The following MEI4 variants were observed in gnomAD, a reference collection of about 807,000 sequenced individuals.
MEI4 encodes the protein meiosis-specific protein MEI4.
MEI4 carries 27 observed loss-of-function variants against 31.4 expected under a neutral mutation model. That is an observed-to-expected ratio of 0.86 (90% CI 0.63 to 1.19). The LOEUF is 1.19. Ranked by LOEUF, MEI4 falls within the 50% of genes most tolerant of loss-of-function variation. The pLI is 0.00. For missense variants in MEI4, 329 were observed against 398.9 expected (o/e 0.82, Z 1.49); for synonymous variants, 122 against 145.4 (o/e 0.84, Z 1.16).
At chr6:77,849,592 G>A (rs1340277262) in intron 4 of MEI4, among the ~76,000 whole-genome samples, 1 of 152,068 alleles carries the variant, frequency 6.6e-6, no homozygotes, top group African/African-American at 2.4e-5. Flanking sequence ...TTTCTTGATG[G>A]TGCTTAGATA....
In MEI4 at chr6:77,692,536, T is replaced by G. The variant is rs1025996250; in HGVS notation, c.232+1633T>G. ...AATTTTTAAAGCTTTGACTAAAGCC[T>G]ACATAAGGAATAGTGAGTTGAATTA... On this transcript the variant is annotated intron_variant, in intron 2 of 4. Coordinates refer to ENST00000684080, the MANE Select transcript of MEI4 (RefSeq NM_001322247.2). 2.6e-5 allele frequency among the ~76,000 whole-genome samples: 4 copies of G among 152,066 alleles called. No individual in the cohort carries two copies. The South Asian group carries it at 8.3e-4, about 31-fold the overall frequency.
At position 77,653,078 on chromosome 6, in the gene MEI4, C is replaced by T. The variant is rs933356830; in HGVS notation, c.-29C>T. ...TTGCCCTGTTATCATCTCATTTCTG[C>T]TTCTCTGTTTACTGGTGAGCTGGTT... On this transcript the variant is annotated 5_prime_UTR_variant, in exon 1 of 5. Transcript: ENST00000684080. Among the ~76,000 whole-genome samples, 2 of 152,172 alleles carry T rather than the reference C, an allele frequency of 1.3e-5. No homozygotes were observed. The highest frequency in any genetic ancestry group is 2.9e-5 in the Non-Finnish European group (2 of 68,022).
intron 4 of MEI4, among the ~76,000 whole-genome samples, chr6:77,851,962 C>T (rs1455607102): frequency 1.4e-4 from 22 of 152,136 alleles, no homozygotes; most frequent in Admixed American, 1.0e-3. Flanking sequence ...ATGAATTGAA[C>T]GCCTAAGTTC....
intron 2 of MEI4, among the ~76,000 whole-genome samples, chr6:77,730,297 G>A (rs1766942509): frequency 6.6e-6 from 1 of 152,070 alleles, no homozygotes; most frequent in African/African-American, 2.4e-5. Context: ...TGGATTCACT[G>A]TTACACTTTG....
intron 4 of MEI4, among the ~76,000 whole-genome samples, chr6:77,830,593 G>A (rs62425062): frequency 0.17 from 25,557 of 151,884 alleles, 2,737 homozygotes; most frequent in Non-Finnish European, 0.22. Flanking sequence ...ACTAGTGTCA[G>A]GCAGGTTTAT....
At chr6:77,794,905 T>C (rs1009457413) in intron 3 of MEI4, among the ~76,000 whole-genome samples, 3 of 152,148 alleles carry the variant, frequency 2.0e-5, no homozygotes, top group Non-Finnish European at 4.4e-5. Context: ...TTGACAACAG[T>C]AGTATAAAGT....
At chr6:77,793,643 G>T (rs1768999217) in intron 3 of MEI4, among the ~76,000 whole-genome samples, 1 of 152,108 alleles carries the variant, frequency 6.6e-6, no homozygotes, top group Non-Finnish European at 1.5e-5. Context: ...GCATGTTATT[G>T]GTGGAAGAGA....
chr6:77,857,990 G>A (rs1320241025), intron 4 of MEI4, among the ~76,000 whole-genome samples: 1 of 152,096 alleles, frequency 6.6e-6, no homozygotes, highest in African/African-American at 2.4e-5. Flanking sequence ...TTAGTAATTT[G>A]TGTGATAAAC....
At position 77,735,463 on chromosome 6, in the gene MEI4, G is replaced by A. The variant is rs9448187; in HGVS notation, c.233-25667G>A. Among the ~76,000 whole-genome samples the A allele has an allele frequency of 7.1e-3, 1,082 of 151,898 alleles. 25 individuals are homozygous for A. The highest frequency in any genetic ancestry group is 0.024 in the African/African-American group (1,010 of 41,298). ...CTTCTGCATTCTTCACGTAGTTCTC[G>A]AGCCTTGGTTTTCAGCTTCATCAGG... is the stretch of plus-strand genomic sequence containing the variant. On this transcript the variant is annotated intron_variant, in intron 2 of 4. Coordinates refer to ENST00000684080, the MANE Select transcript of MEI4 (RefSeq NM_001322247.2).
At position 77,925,699 on chromosome 6, in the gene MEI4, G is replaced by A. The variant is rs1196670673; in HGVS notation, c.*2353G>A. 1 of 150,414 alleles carries A rather than the reference G, an allele frequency of 6.6e-6. No homozygotes were observed. Among genetic ancestry groups the A allele is most frequent in the Non-Finnish European group, 1.5e-5 (1 of 67,550 alleles). The allele number at this position is 150,414 out of a possible 1,614,324, so 9.3% of individuals were successfully genotyped here. A position where few individuals can be genotyped will look rare whatever the true frequency, so the allele number is the denominator to read the frequency against. ...AGAACCATAGAATGATCATAAAAAT[G>A]AAGCAAATAAAAAGTGATGATAATT... On this transcript the variant is annotated 3_prime_UTR_variant, in exon 5 of 5. Transcript: ENST00000684080.
intron 4 of MEI4, among the ~76,000 whole-genome samples, chr6:77,859,701 T>C (rs1294151888): frequency 6.6e-6 from 1 of 152,178 alleles, no homozygotes; most frequent in African/African-American, 2.4e-5. Flanking sequence ...GAAAGGATTC[T>C]TATTGGGGCT....
chr6:77,690,782 T>C lies in MEI4; in HGVS notation c.111T>C (p.Ala37=). The C allele has an allele frequency of 8.1e-7, 1 of 1,231,730 alleles. No homozygotes were observed. The highest frequency in any genetic ancestry group is 4.1e-5 in the South Asian group (1 of 24,318). The allele number at this position is 1,231,730 out of a possible 1,614,324, so 76.3% of individuals were successfully genotyped here. The change falls in exon 2 of 5, where the codon GCT becomes GCC. Residue 37 remains alanine (A), a synonymous_variant. Coordinates refer to ENST00000684080, the MANE Select transcript of MEI4 (RefSeq NM_001322247.2). ...GCAGAGAATACACAGAGCACCTTGC[T>C]ATGTTGCTGTCTGAGGAGCAGTCAA... ...KSSREYTEHL[A]MLLSEEQSKW...
chr6:77,798,536 C>T (rs1769148011), intron 3 of MEI4, among the ~76,000 whole-genome samples: 1 of 151,554 alleles, frequency 6.6e-6, no homozygotes, highest in Non-Finnish European at 1.5e-5. Flanking sequence ...TACATGTGCA[C>T]ATTGTGAAGG....
At chr6:77,906,645 A>T (rs1766302805) in intron 4 of MEI4, among the ~76,000 whole-genome samples, 1 of 152,168 alleles carries the variant, frequency 6.6e-6, no homozygotes, top group African/African-American at 2.4e-5. Flanking sequence ...CCGTGGTGGC[A>T]CTGGAGTCCG....
intron 3 of MEI4, among the ~76,000 whole-genome samples, chr6:77,802,141 A>G (rs983851863): frequency 3.3e-5 from 5 of 152,128 alleles, no homozygotes; most frequent in African/African-American, 1.2e-4. Flanking sequence ...GTGCTTTATG[A>G]ATCTGGGTGC....
chr6:77,880,232 TTG>T (rs1398818056), intron 4 of MEI4, among the ~76,000 whole-genome samples: 2 of 134,182 alleles, frequency 1.5e-5, no homozygotes, highest in Non-Finnish European at 3.2e-5. Context: ...TTTTTTTTGT[TTG>T]TTTTTTTTTT....
At chr6:77,683,854 A>G (rs1279929528) in intron 1 of MEI4, among the ~76,000 whole-genome samples, 1 of 152,154 alleles carries the variant, frequency 6.6e-6, no homozygotes, top group African/African-American at 2.4e-5. Flanking sequence ...TGGAGTGCAG[A>G]TATCTTTTTG....
At chr6:77,786,738 G>A (rs892015797) in intron 3 of MEI4, among the ~76,000 whole-genome samples, 1 of 152,104 alleles carries the variant, frequency 6.6e-6, no homozygotes, top group African/African-American at 2.4e-5. Flanking sequence ...CAAATTTAAA[G>A]CTTCTTTATG....
chr6:77,881,263 A>C (rs9448241), intron 4 of MEI4, among the ~76,000 whole-genome samples: 125,649 of 152,130 alleles, frequency 0.83, 52,408 homozygotes, highest in East Asian at 0.95. Context: ...AATTATGGGT[A>C]TCCAACAAGA....
Sources: gnomAD v4.1 joint callset for allele counts (sites outside exome capture counted in the v4.1 genomes callset) on GRCh38, gnomAD v4.1.1 for gene constraint, MANE v1.5 for transcripts, NCBI Gene and HGNC (gene_info 2026-07-23, HGNC 2026-07-21) for gene names.